The following RSU1 variants were observed in gnomAD, a reference collection of about 807,000 sequenced individuals.
The protein encoded by RSU1 is Ras suppressor protein 1.
In RSU1, 26 loss-of-function variants were observed where a neutral mutation model predicts 31.1. That is an observed-to-expected ratio of 0.84 (90% confidence interval 0.61 to 1.16). The LOEUF is 1.16. RSU1 is among the 50% of genes most tolerant of loss of function. The pLI is 0.00. For missense variants in RSU1, 320 were observed against 339.1 expected, an observed-to-expected ratio of 0.94 and a Z score of 0.44; for synonymous variants, 164 against 136.3, an observed-to-expected ratio of 1.20 and a Z score of -1.41.
intron 7 of RSU1, among the ~76,000 whole-genome samples, chr10:16,746,252 T>C (rs1248294212): frequency 1.3e-5 from 2 of 152,240 alleles, no homozygotes; most frequent in African/African-American, 2.4e-5. Flanking sequence ...TGGGCACATA[T>C]TGCAGGGCAC....
intron 2 of RSU1, among the ~76,000 whole-genome samples, chr10:16,808,485 GAAA>G (rs34449677): frequency 1.1e-5 from 1 of 89,614 alleles, no homozygotes; most frequent in South Asian, 4.1e-4. Context: ...CTCCATTTAA[GAAA>G]AAAAAAAAAA....
chr10:16,610,284 T>G (rs376996485), intron 8 of RSU1, among the ~76,000 whole-genome samples: 9 of 152,194 alleles, frequency 5.9e-5, no homozygotes, highest in African/African-American at 1.2e-4. Flanking sequence ...ACAGCAGATA[T>G]AGACAAGCTG....
At chr10:16,696,372 G>A (rs905669444) in intron 7 of RSU1, among the ~76,000 whole-genome samples, 1 of 152,078 alleles carries the variant, frequency 6.6e-6, no homozygotes, top group African/African-American at 2.4e-5. Context: ...GAAATGAAAG[G>A]ATAAATGAAT....
chr10:16,672,980 C>A (rs1835140643), intron 8 of RSU1, among the ~76,000 whole-genome samples: 1 of 152,240 alleles, frequency 6.6e-6, no homozygotes, highest in Admixed American at 6.5e-5. Context: ...TGAACCCAGG[C>A]AGCCTGTTTC....
At chr10:16,683,276 C>A (rs959701109) in intron 8 of RSU1, among the ~76,000 whole-genome samples, 1 of 151,756 alleles carries the variant, frequency 6.6e-6, no homozygotes, top group Non-Finnish European at 1.5e-5. Context: ...GTAGAGGCTA[C>A]AGATGAAGAG....
At chr10:16,676,830 A>C (rs954566744) in intron 8 of RSU1, among the ~76,000 whole-genome samples, 1 of 152,218 alleles carries the variant, frequency 6.6e-6, no homozygotes, top group African/African-American at 2.4e-5. Context: ...CCCTAATCCC[A>C]AAATCAGAGG....
At chr10:16,720,659 C>A (rs1376336069) in intron 7 of RSU1, among the ~76,000 whole-genome samples, 1 of 152,206 alleles carries the variant, frequency 6.6e-6, no homozygotes, top group East Asian at 1.9e-4. Flanking sequence ...GAATGCAACA[C>A]CCTCTTTCAC....
At chr10:16,660,876 G>A (rs1202548679) in intron 8 of RSU1, among the ~76,000 whole-genome samples, 2 of 151,716 alleles carry the variant, frequency 1.3e-5, no homozygotes, top group African/African-American at 4.8e-5. Flanking sequence ...CGAACTCCTG[G>A]CCTCAAGTGA....
At chr10:16,634,012 G>A (rs543876885) in intron 8 of RSU1, among the ~76,000 whole-genome samples, 2 of 152,276 alleles carry the variant, frequency 1.3e-5, no homozygotes, top group East Asian at 1.9e-4. Context: ...TCACACTGAC[G>A]TTCAATCTGT....
chr10:16,614,407 G>GT (rs1243530219), intron 8 of RSU1, among the ~76,000 whole-genome samples: 1 of 150,632 alleles, frequency 6.6e-6, no homozygotes, highest in Non-Finnish European at 1.5e-5. Flanking sequence ...ATGGTTAATG[G>GT]TTAAAAAAAA....
intron 3 of RSU1, among the ~76,000 whole-genome samples, chr10:16,769,962 G>C (rs1417002382): frequency 6.6e-6 from 1 of 152,138 alleles, no homozygotes; most frequent in Non-Finnish European, 1.5e-5. Context: ...CAACTTTCCA[G>C]AGGAGAAAAG....
At chr10:16,662,798 T>A (rs1286899008) in intron 8 of RSU1, among the ~76,000 whole-genome samples, 1 of 152,106 alleles carries the variant, frequency 6.6e-6, no homozygotes, top group Admixed American at 6.5e-5. Context: ...AAAAATCGGG[T>A]TATTTTTCTC....
intron 8 of RSU1, among the ~76,000 whole-genome samples, chr10:16,616,913 G>A (rs1018316310): frequency 5.9e-5 from 9 of 151,638 alleles, no homozygotes; most frequent in South Asian, 4.2e-4. Flanking sequence ...CATACTGAAC[G>A]GGTATTCCCT....
intron 2 of RSU1, among the ~76,000 whole-genome samples, chr10:16,782,493 T>C (rs936803680): frequency 9.2e-5 from 14 of 152,186 alleles, no homozygotes; most frequent in Non-Finnish European, 1.3e-4. Context: ...TTATTATTAT[T>C]TTTGAAGCCA....
intron 8 of RSU1, among the ~76,000 whole-genome samples, chr10:16,682,067 T>C (rs546377226): frequency 1.3e-5 from 2 of 152,264 alleles, no homozygotes; most frequent in South Asian, 4.2e-4. Flanking sequence ...ATTCTGTGCC[T>C]CTTGATGCTA....
chr10:16,644,656 G>A lies in RSU1; in HGVS notation c.731+50367C>T, dbSNP rs1399687618. On this transcript the variant is annotated intron_variant, in intron 8 of 8. Coordinates refer to ENST00000345264, the MANE Select transcript of RSU1 (RefSeq NM_012425.4). ...CATTAACTGCCACACATAGCGCAGT[G>A]TTCTGATTTTGCCCGCTAAATGGAT... is the stretch of plus-strand genomic sequence containing the variant. Among the ~76,000 whole-genome samples the A allele has an allele frequency of 2.6e-5, 4 of 152,134 alleles. No individual in the cohort carries two copies. The East Asian group carries it at 7.7e-4, about 29-fold the overall frequency.
At chr10:16,674,712 A>G (rs1487221458) in intron 8 of RSU1, among the ~76,000 whole-genome samples, 6 of 152,174 alleles carry the variant, frequency 3.9e-5, no homozygotes. Context: ...CTTGAATGAG[A>G]TAAGACAGCA....
chr10:16,653,391 T>C, intron 8 of RSU1, among the ~76,000 whole-genome samples: 1 of 152,194 alleles, frequency 6.6e-6, no homozygotes, highest in East Asian at 1.9e-4. Context: ...CAATACTCTG[T>C]TGTGTGTGTG....
chr10:16,705,587 C>A (rs145619088), intron 7 of RSU1, among the ~76,000 whole-genome samples: 6 of 152,154 alleles, frequency 3.9e-5, no homozygotes, highest in East Asian at 1.9e-4. Flanking sequence ...CTTCCCAGTT[C>A]AAACGATTTT....
Sources: allele counts gnomAD v4.1 joint callset (sites outside exome capture counted in the v4.1 genomes callset), GRCh38; gene constraint gnomAD v4.1.1; transcripts MANE v1.5; gene names NCBI Gene and HGNC (gene_info 2026-07-23, HGNC 2026-07-21).